CHAF1A: variants seen among roughly 807,000 people sequenced by gnomAD.
CHAF1A encodes the protein chromatin assembly factor 1 subunit A, also known as CAF-1 subunit A.
Under a neutral mutation model 93.2 loss-of-function variants are expected in CHAF1A, and 5 were observed. That is an observed-to-expected ratio of 0.05 (90% CI 0.03 to 0.11). CHAF1A has a LOEUF of 0.11. Ranked by LOEUF, CHAF1A falls within the 10% of genes least tolerant of loss-of-function variation. CHAF1A has a pLI of 1.00. For missense variants in CHAF1A, 1,102 were observed against 1,259.9 expected, an observed-to-expected ratio of 0.87 and a Z score of 1.90; for synonymous variants, 504 against 510.3, an observed-to-expected ratio of 0.99 and a Z score of 0.17.
intron 3 of CHAF1A, among the ~76,000 whole-genome samples, chr19:4,417,064 C>T (rs1222597955): frequency 1.3e-5 from 2 of 152,092 alleles, no homozygotes; most frequent in African/African-American, 4.8e-5. Context: ...AGTGCAGCCT[C>T]AACCTCCCGG....
chr19:4,432,746 C>T (rs1467695605), intron 12 of CHAF1A, among the ~76,000 whole-genome samples: 2 of 138,454 alleles, frequency 1.4e-5, no homozygotes, highest in Non-Finnish European at 3.1e-5. Flanking sequence ...GGTGACAGAG[C>T]AAGACCCTGT....
chr19:4,441,016 GC>G (rs1974377786), intron 13 of CHAF1A, among the ~76,000 whole-genome samples: 1 of 144,256 alleles, frequency 6.9e-6, no homozygotes, highest in East Asian at 2.1e-4. Flanking sequence ...AAAAAAAAAG[GC>G]ACAGCAAAAA....
chr19:4,406,031 C>A, intron 2 of CHAF1A, 69 bp downstream of exon 2: 1 of 1,267,746 alleles, frequency 7.9e-7, no homozygotes, highest in Non-Finnish European at 1.2e-6. Context: ...TGTTGGAGAC[C>A]TCAGTGGAAG....
intron 3 of CHAF1A, among the ~76,000 whole-genome samples, chr19:4,416,763 C>T (rs189505192): frequency 2.2e-4 from 33 of 152,150 alleles, no homozygotes; most frequent in Middle Eastern, 3.4e-3. Context: ...TGGTGGCACA[C>T]GCCTATAATC....
rs1391278795 is a variant in CHAF1A, at chr19:4,433,419, G to A, written c.2553G>A (p.Glu851=). 1.2e-6 allele frequency: 2 copies of A among 1,611,630 alleles called. No homozygotes were observed. Among genetic ancestry groups the A allele is most frequent in the Non-Finnish European group, 1.7e-6 (2 of 1,178,174 alleles). Residue 851 remains glutamate, a synonymous_variant, in exon 13 of 15, where the codon GAG becomes GAA. Transcript: ENST00000301280. The surrounding 1 kb of genome is among the most constrained non-coding windows in gnomAD (Gnocchi z 5.6). ...YVTSVPSAPK[E]DSGSVPSTGP... is the part of the protein sequence containing the mutation. ...CATCGGTGCCCTCGGCCCCCAAAGA[G>A]GACAGTGGCAGCGTCCCCTCCACGG...
chr19:4,405,587 G>A (rs1973665707), intron 1 of CHAF1A, among the ~76,000 whole-genome samples: 1 of 149,086 alleles, frequency 6.7e-6, no homozygotes, highest in African/African-American at 2.5e-5. Flanking sequence ...CAGCCTGGGC[G>A]ACAGAGTGAG....
At chr19:4,446,098 C>A (rs2145167343), downstream of CHAF1A, 3 of 1,612,778 alleles carry the variant, frequency 1.9e-6, no homozygotes, top group African/African-American at 2.7e-5. Flanking sequence ...CAGCTTCTGC[C>A]CTCCCGAGGC....
intron 7 of CHAF1A, among the ~76,000 whole-genome samples, chr19:4,426,115 A>T (rs59923524): frequency 7.1e-6 from 1 of 140,370 alleles, no homozygotes; most frequent in African/African-American, 2.7e-5. Flanking sequence ...ATAGTCTAGT[A>T]TTTCATTCTC....
At chr19:4,426,810 G>A (rs541631226) in intron 7 of CHAF1A, among the ~76,000 whole-genome samples, 1 of 152,248 alleles carries the variant, frequency 6.6e-6, no homozygotes, top group East Asian at 1.9e-4. Context: ...TCTCCTTTTG[G>A]CCAGGTGCGG....
At chr19:4,449,572 G>A (rs528860858), downstream of CHAF1A, 100 of 152,474 alleles carry the variant, frequency 6.6e-4, no homozygotes, top group Non-Finnish European at 1.2e-3. Flanking sequence ...GGATCAGAGC[G>A]CCCGGGACAG....
intron 11 of CHAF1A, 135 bp downstream of exon 11, chr19:4,430,776 A>T: frequency 2.3e-6 from 2 of 870,032 alleles, no homozygotes; most frequent in South Asian, 3.1e-5. Context: ...CAAGCACGCA[A>T]GCTCACTCGT....
At chr19:4,434,118 G>A (rs559228592) in intron 13 of CHAF1A, among the ~76,000 whole-genome samples, 23 of 152,038 alleles carry the variant, frequency 1.5e-4, no homozygotes, top group African/African-American at 5.3e-4. Context: ...AGGCTGAGGC[G>A]GGAGGATCAC....
chr19:4,444,086 G>C (rs1373113352), downstream of CHAF1A, among the ~76,000 whole-genome samples: 1 of 152,156 alleles, frequency 6.6e-6, no homozygotes, highest in African/African-American at 2.4e-5. Context: ...CCACACCTTT[G>C]ATGAGCTTTA....
rs1974402702 is a variant in CHAF1A at position 4,442,176 on chromosome 19, C to T, written c.2674-69C>T. 3.8e-6 allele frequency: 5 copies of T among 1,323,936 alleles called. No homozygotes were observed. In the Admixed American group the frequency reaches 8.5e-5, roughly 22 times the overall value. 82.0% of individuals were successfully genotyped at this position (1,323,936 alleles called of 1,614,324 possible). On this transcript the variant is annotated intron_variant, in intron 13 of 14. Transcript: ENST00000301280. The stretch of plus-strand genomic sequence containing the variant: ...AGGTGTCACACCTGTGGAGTTCCCC[C>T]CGCTACCGCACTGGCACCAGGGTGG...
Position 4,423,432 on chromosome 19 carries a change from C to T in CHAF1A, c.1308+37C>T, listed in dbSNP as rs559484788. 1.2e-4 allele frequency: 194 copies of T among 1,611,524 alleles called. No individual in the cohort carries two copies. The Admixed American group carries it at 2.0e-3, about 17-fold the overall frequency. On this transcript the variant is annotated intron_variant, in intron 6 of 14. Coordinates refer to ENST00000301280, the MANE Select transcript of CHAF1A (RefSeq NM_005483.3). ...CCCACAGAGCTTCCCCGTCCCAGCCCGTTGGAGAAGCAGATGCCCAAAGTG... is the reference window on the plus strand; with the variant it reads ...CCCACAGAGCTTCCCCGTCCCAGCCTGTTGGAGAAGCAGATGCCCAAAGTG...
At chr19:4,404,223 C>T (rs929896284) in intron 1 of CHAF1A, among the ~76,000 whole-genome samples, 2 of 152,134 alleles carry the variant, frequency 1.3e-5, no homozygotes, top group Admixed American at 6.6e-5. Context: ...AGGATGTAAT[C>T]GCAGAATAAA....
chr19:4,432,324 C>T, intron 12 of CHAF1A, 117 bp downstream of exon 12: 1 of 1,194,510 alleles, frequency 8.4e-7, no homozygotes, highest in Non-Finnish European at 1.1e-6. Context: ...CCACAAATAA[C>T]AGAGGCCAGC....
At chr19:4,448,558 AAG>A (rs1487557450), downstream of CHAF1A, 5 of 698,750 alleles carry the variant, frequency 7.2e-6, no homozygotes, top group South Asian at 1.8e-5. Context: ...CAGAAAGGAA[AAG>A]AGAGACCCTC....
At chr19:4,406,272 G>A (rs890945090) in intron 2 of CHAF1A, among the ~76,000 whole-genome samples, 3 of 152,168 alleles carry the variant, frequency 2.0e-5, no homozygotes, top group Admixed American at 6.5e-5. Context: ...CCTCCAAGTC[G>A]TAACAACCAA....
Sources: allele counts gnomAD v4.1 joint callset (sites outside exome capture counted in the v4.1 genomes callset), GRCh38; gene constraint gnomAD v4.1.1; non-coding constraint Gnocchi (gnomAD v3.1); transcripts MANE v1.5; gene names NCBI Gene and HGNC (gene_info 2026-07-23, HGNC 2026-07-21).